DAB2IP: variants seen among roughly 807,000 people sequenced by gnomAD.
DAB2IP encodes the protein DAB2 interacting protein, also known as disabled homolog 2-interacting protein.
A neutral mutation model predicts 107.2 loss-of-function variants in DAB2IP; 28 were observed. The observed-to-expected ratio is 0.26, with a 90% CI of 0.19 to 0.36. The LOEUF is 0.36. Ranked by LOEUF, DAB2IP falls within the 10% of genes least tolerant of loss-of-function variation. The pLI is 1.00. For missense variants in DAB2IP, 1,400 were observed against 1,644.7 expected (o/e 0.85, Z 2.57); for synonymous variants, 755 against 706.4 (o/e 1.07, Z -1.09).
At chr9:121,567,560 C>T (rs933475043) in intron 1 of DAB2IP, among the ~76,000 whole-genome samples, 1 of 152,198 alleles carries the variant, frequency 6.6e-6, no homozygotes, top group Non-Finnish European at 1.5e-5. Context: ...CCTCGCTGTT[C>T]GCCAGGCCTG....
At chr9:121,654,590 C>T (rs1358798625) in intron 1 of DAB2IP, among the ~76,000 whole-genome samples, 2 of 152,156 alleles carry the variant, frequency 1.3e-5, no homozygotes, top group South Asian at 4.1e-4. Context: ...GCCCTCCCTC[C>T]ACTAAAGCCT....
intron 3 of DAB2IP, among the ~76,000 whole-genome samples, chr9:121,713,455 C>G (rs543352470): frequency 4.6e-5 from 7 of 152,168 alleles, no homozygotes; most frequent in Admixed American, 4.6e-4. Context: ...GGCCTAAAAC[C>G]GCCAGATGCC....
At chr9:121,671,276 C>G (rs543329162) in intron 1 of DAB2IP, among the ~76,000 whole-genome samples, 1 of 152,238 alleles carries the variant, frequency 6.6e-6, no homozygotes. Context: ...GCGAAGGTTG[C>G]AGTGAGCTGA....
At chr9:121,675,977 A>G (rs926683252) in intron 1 of DAB2IP, among the ~76,000 whole-genome samples, 4 of 152,238 alleles carry the variant, frequency 2.6e-5, no homozygotes, top group East Asian at 1.9e-4. Flanking sequence ...GAGGAGGTCC[A>G]AGGAAAGTTC....
chr9:121,776,371 G>T lies in DAB2IP; in HGVS notation c.3294G>T (p.Gln1098His), dbSNP rs1163044761. ...GGCAGCAGGAGGACAAGGACATCCA[G>T]ATGAAGGGCATCATCAGCAGGTGGG... Residue 1098 changes from glutamine to histidine, a missense_variant, in exon 14 of 16, where the codon CAG becomes CAT. Gln to His is a conservative substitution (Grantham distance 24). Coordinates refer to ENST00000408936, the Ensembl canonical transcript of DAB2IP. This position sits in a 1 kb window ranked among gnomAD's most constrained non-coding sequence, Gnocchi z 5.4. 2 of 1,546,356 alleles carry T rather than the reference G, an allele frequency of 1.3e-6. No individual in the cohort carries two copies. The highest frequency in any genetic ancestry group is 1.7e-6 in the Non-Finnish European group (2 of 1,144,600).
intron 9 of DAB2IP, 31 bp from the exon 10 acceptor site, chr9:121,768,401 A>G (rs746311812): frequency 1.9e-6 from 3 of 1,613,356 alleles, no homozygotes; most frequent in Non-Finnish European, 2.5e-6. Context: ...GCCTGGGCCC[A>G]GTAGTGCTCA....
intron 1 of DAB2IP, among the ~76,000 whole-genome samples, chr9:121,645,685 A>C (rs1832512426): frequency 6.6e-6 from 1 of 152,134 alleles, no homozygotes; most frequent in African/African-American, 2.4e-5. Flanking sequence ...TGGGTTAGGG[A>C]GGGTCCTCTG....
chr9:121,687,944 C>G (rs1828969041), intron 2 of DAB2IP, among the ~76,000 whole-genome samples: 1 of 152,178 alleles, frequency 6.6e-6, no homozygotes, highest in Non-Finnish European at 1.5e-5. Context: ...TCCTGGGCCA[C>G]ACGGCTTGCA....
At chr9:121,597,000 T>A (rs903105447) in intron 1 of DAB2IP, among the ~76,000 whole-genome samples, 2 of 152,234 alleles carry the variant, frequency 1.3e-5, no homozygotes, top group African/African-American at 2.4e-5. Context: ...TCTTTGCATA[T>A]GTTTATTGGC....
chr9:121,772,885 C>T lies in DAB2IP; in HGVS notation c.2357C>T (p.Pro786Leu), dbSNP rs780248582. Reference sequence around the variant, plus strand: ...GCAGCTCAGCTGGTGGCCGGGTGGCCGGCCCGGGCAACCCCAGTGAACCTG... The same window carrying T: ...GCAGCTCAGCTGGTGGCCGGGTGGCTGGCCCGGGCAACCCCAGTGAACCTG... The change falls in exon 12 of 16, where the codon CCG becomes CTG. Residue 786 changes from proline (P) to leucine (L), a missense_variant. Coordinates refer to ENST00000408936, the Ensembl canonical transcript of DAB2IP. The surrounding 1 kb of genome is among the most constrained non-coding windows in gnomAD (Gnocchi z 4.7). 1.6e-5 allele frequency: 26 copies of T among 1,577,828 alleles called. No homozygotes were observed. Among genetic ancestry groups the T allele is most frequent in the South Asian group, 6.9e-5 (6 of 86,484 alleles).
intron 1 of DAB2IP, among the ~76,000 whole-genome samples, chr9:121,601,348 CTA>C (rs1830678753): frequency 6.6e-6 from 1 of 152,196 alleles, no homozygotes. Context: ...TGGTGAACAT[CTA>C]GTCTTTTTTG....
chr9:121,618,079 C>T (rs1187781184), intron 1 of DAB2IP, among the ~76,000 whole-genome samples: 1 of 152,148 alleles, frequency 6.6e-6, no homozygotes, highest in African/African-American at 2.4e-5. Context: ...GACAGAAGGC[C>T]CCCCTCAAGC....
chr9:121,573,479 G>C (rs1338406085), intron 1 of DAB2IP, among the ~76,000 whole-genome samples: 1 of 151,956 alleles, frequency 6.6e-6, no homozygotes, highest in Admixed American at 6.6e-5. Flanking sequence ...CCACCTCCTG[G>C]GTTCAAGCAA....
At chr9:121,574,517 G>T (rs946563112) in intron 1 of DAB2IP, among the ~76,000 whole-genome samples, 1 of 152,126 alleles carries the variant, frequency 6.6e-6, no homozygotes, top group Non-Finnish European at 1.5e-5. Flanking sequence ...TGCAGAGCTG[G>T]GGTCCTATTT....
At chr9:121,683,256 C>G (rs569126869) in intron 2 of DAB2IP, among the ~76,000 whole-genome samples, 3 of 152,294 alleles carry the variant, frequency 2.0e-5, no homozygotes, top group Admixed American at 2.0e-4. Context: ...GGCAGAGGAG[C>G]CGTGGTTTGA....
At chr9:121,621,008 C>A (rs149023739) in intron 1 of DAB2IP, among the ~76,000 whole-genome samples, 1 of 152,204 alleles carries the variant, frequency 6.6e-6, no homozygotes, top group Non-Finnish European at 1.5e-5. Flanking sequence ...CCCCCAGGTC[C>A]CAACTTTCCT....
At chr9:121,647,109 GT>G (rs1832565371), upstream of DAB2IP, among the ~76,000 whole-genome samples, 1 of 152,082 alleles carries the variant, frequency 6.6e-6, no homozygotes, top group Non-Finnish European at 1.5e-5. Context: ...GGTCAAACTT[GT>G]AACCCTCCTC....
chr9:121,656,298 G>A (rs540810306), intron 1 of DAB2IP, among the ~76,000 whole-genome samples: 19 of 152,072 alleles, frequency 1.2e-4, no homozygotes, highest in African/African-American at 2.7e-4. Flanking sequence ...ATGAGCCACC[G>A]TGCCTGGCTG....
chr9:121,636,919 G>A (rs145135317), intron 1 of DAB2IP, among the ~76,000 whole-genome samples: 2 of 152,302 alleles, frequency 1.3e-5, no homozygotes, highest in East Asian at 3.9e-4. Context: ...GCCCAGAGAG[G>A]TTAGGGAACT....
Sources: gnomAD v4.1 joint callset for allele counts (sites outside exome capture counted in the v4.1 genomes callset) on GRCh38, gnomAD v4.1.1 for gene constraint, Gnocchi (gnomAD v3.1) non-coding constraint, MANE v1.5 for transcripts, NCBI Gene and HGNC (gene_info 2026-07-23, HGNC 2026-07-21) for gene names.